ZNF543: variants seen among roughly 807,000 people sequenced by gnomAD.
ZNF543 encodes the protein zinc finger protein 543.
Under a neutral mutation model 13.4 loss-of-function variants are expected in ZNF543, and 10 were observed. That is an observed-to-expected ratio of 0.75 (90% CI 0.46 to 1.26). The LOEUF is 1.26. Among genes scored for constraint, ZNF543 ranks in the 50% most tolerant of loss-of-function variants. ZNF543 has a pLI of 0.00. For synonymous variants in ZNF543, 272 were observed against 264.7 expected, an observed-to-expected ratio of 1.03 and a Z score of -0.27; for missense variants, 768 against 741.2, an observed-to-expected ratio of 1.04 and a Z score of -0.42.
At chr19:57,321,187 A>G (rs1466390817) in intron 1 of ZNF543, among the ~76,000 whole-genome samples, 1 of 151,532 alleles carries the variant, frequency 6.6e-6, no homozygotes, top group Non-Finnish European at 1.5e-5. Context: ...TTGTCTCTCC[A>G]TTTTTCCCTT....
In ZNF543 at chr19:57,330,312, T is replaced by G. The variant is rs2088155588; in HGVS notation, c.*1047T>G. The G allele has an allele frequency of 6.6e-6, 1 of 151,928 alleles. No individual in the cohort carries two copies. Among genetic ancestry groups the G allele is most frequent in the South Asian group, 2.1e-4 (1 of 4,796 alleles). 9.4% of individuals were successfully genotyped at this position (151,928 alleles called of 1,614,324 possible). A position where few individuals can be genotyped will look rare whatever the true frequency, so the allele number is the denominator to read the frequency against. On this transcript the variant is annotated 3_prime_UTR_variant, in exon 4 of 4. Coordinates refer to ENST00000321545, the MANE Select transcript of ZNF543 (RefSeq NM_213598.4). ...TCCTGGGATAGGGATGATAGTGTAA[T>G]TGTTCATGCCCACAGTAATCCTGGG...
Position 57,329,452 on chromosome 19 carries a change from C to A in ZNF543, c.*187C>A. 1 of 618,886 alleles carries A rather than the reference C, an allele frequency of 1.6e-6. No homozygotes were observed. The highest frequency in any genetic ancestry group is 2.9e-5 in the East Asian group (1 of 34,424). The allele number at this position is 618,886 out of a possible 1,614,324, so 38.3% of individuals were successfully genotyped here. ...AGAGAGACCCAGTGGTTGCTATGCA[C>A]TTAGGAAAACTTTCAGCCACATCTT... On this transcript the variant is annotated 3_prime_UTR_variant, in exon 4 of 4. Coordinates refer to ENST00000321545, the MANE Select transcript of ZNF543 (RefSeq NM_213598.4).
chr19:57,329,024 A>C lies in ZNF543; in HGVS notation c.1562A>C (p.Asn521Thr), dbSNP rs1600055407. Residue 521 changes from asparagine to threonine, a missense_variant, in exon 4 of 4, where the codon AAC (asparagine) becomes ACC (threonine). Physicochemically the swap from Asn to Thr is moderately conservative, Grantham distance 65. Around this residue, in one of 3 missense-constraint regions of ZNF543, gnomAD observed 677 missense variants for 631.4 expected, o/e 1.07. Transcript: ENST00000321545. ...QCGKAFCRSA[N>T]LIRHSIIHTG... ...GGGAAAGCCTTTTGCCGGAGCGCAA[A>C]CCTTATTCGACACTCCATCATTCAC... The C allele has an allele frequency of 6.2e-7, 1 of 1,614,010 alleles. No individual in the cohort carries two copies. The highest frequency in any genetic ancestry group is 8.5e-7 in the Non-Finnish European group (1 of 1,180,002).
intron 1 of ZNF543, among the ~76,000 whole-genome samples, chr19:57,321,785 C>T (rs1228511898): frequency 2.0e-5 from 3 of 152,146 alleles, no homozygotes; most frequent in Non-Finnish European, 4.4e-5. Flanking sequence ...TTAGGGAGGC[C>T]TGGGGGTGAC....
In ZNF543 at chr19:57,328,876, A is replaced by G. The variant is rs1037663265; in HGVS notation, c.1414A>G (p.Ile472Val). 6 of 1,614,076 alleles carry G rather than the reference A, an allele frequency of 3.7e-6. No individual in the cohort carries two copies. Among genetic ancestry groups the G allele is most frequent in the East Asian group, 4.5e-5 (2 of 44,854 alleles). The part of the protein sequence containing the change: ...DRADLIRHFS[I>V]HTGEKPYECV... ...GGCAGACCTCATTCGCCACTTCAGC[A>G]TCCACACTGGAGAGAAACCCTATGA... is the stretch of plus-strand genomic sequence containing the variant. Residue 472 changes from isoleucine to valine, a missense_variant, in exon 4 of 4, where the codon ATC becomes GTC. By Grantham distance (29) the Ile-to-Val change is conservative. Transcript: ENST00000321545.
At position 57,320,841 on chromosome 19, in the gene ZNF543, G is replaced by C. The variant is rs200574542; in HGVS notation, c.-13G>C. On this transcript the variant is annotated 5_prime_UTR_variant, in exon 1 of 4. Coordinates refer to ENST00000321545, the MANE Select transcript of ZNF543 (RefSeq NM_213598.4). ...GGCATTCCCGGGCCCCGCTAGGGCT[G>C]CAGGGTCTCAGGATGGCAGCCTCGG... 5.6e-6 allele frequency: 9 copies of C among 1,613,702 alleles called. No individual in the cohort carries two copies. In the African/African-American group the frequency reaches 9.3e-5, roughly 17 times the overall value.
At position 57,328,206 on chromosome 19, in the gene ZNF543, C is replaced by G. The variant is rs762074273; in HGVS notation, c.744C>G (p.Ile248Met). The G allele has an allele frequency of 9.9e-6, 16 of 1,613,288 alleles. No homozygotes were observed. The South Asian group carries it at 1.5e-4, about 16-fold the overall frequency. The change falls in exon 4 of 4, where the codon ATC (isoleucine) becomes ATG (methionine). Residue 248 changes from isoleucine (I) to methionine (M), a missense_variant. Ile to Met is a conservative substitution (Grantham distance 10, BLOSUM62 1). Coordinates refer to ENST00000321545, the MANE Select transcript of ZNF543 (RefSeq NM_213598.4). ...CTCATCTTCTTCAGCACCTCATCAT[C>G]CACACTGGGGAGAAGCCCTATAAGT... is the stretch of plus-strand genomic sequence containing the variant. ...KSTHLLQHLIIHTGEKPYKCM... is the reference protein window; with the variant it reads ...KSTHLLQHLIMHTGEKPYKCM...
Position 57,328,930 on chromosome 19 carries a change from C to T in ZNF543, c.1468C>T (p.Arg490Cys), listed in dbSNP as rs371999397. The part of the protein sequence containing the change: ...ECVECGKAFN[R>C]SSHLTRHQQI... ...CGTGGAGTGTGGAAAGGCCTTCAAC[C>T]GCAGCTCACACCTCACGAGGCACCA... Residue 490 changes from arginine (R) to cysteine (C), a missense_variant, in exon 4 of 4, where the codon CGC becomes TGC. Arg to Cys is a radical substitution (Grantham distance 180). Around this residue, in one of 3 missense-constraint regions of ZNF543, gnomAD observed 677 missense variants for 631.4 expected, o/e 1.07. Coordinates refer to ENST00000321545, the MANE Select transcript of ZNF543 (RefSeq NM_213598.4). 51 of 1,613,940 alleles carry T rather than the reference C, an allele frequency of 3.2e-5. No homozygotes were observed. The highest frequency in any genetic ancestry group is 3.8e-5 in the Non-Finnish European group (45 of 1,180,004).
Position 57,329,052 on chromosome 19 carries a change from T to A in ZNF543, c.1590T>A (p.Thr530=), listed in dbSNP as rs2088145664. 1 of 1,614,074 alleles carries A rather than the reference T, an allele frequency of 6.2e-7. No individual in the cohort carries two copies. Among genetic ancestry groups the A allele is most frequent in the African/African-American group, 1.3e-5 (1 of 74,924 alleles). Residue 530 remains threonine, a synonymous_variant, in exon 4 of 4, where the codon ACT becomes ACA. Transcript: ENST00000321545. ...ANLIRHSIIH[T]GEKPYECSEC... Reference sequence around the variant, plus strand: ...TTATTCGACACTCCATCATTCACACTGGAGAGAAGCCGTATGAATGCAGTG... The same window carrying A: ...TTATTCGACACTCCATCATTCACACAGGAGAGAAGCCGTATGAATGCAGTG...
At chr19:57,325,115 G>C (rs1051016142) in intron 2 of ZNF543, among the ~76,000 whole-genome samples, 18 of 152,318 alleles carry the variant, frequency 1.2e-4, no homozygotes, top group African/African-American at 4.1e-4. Context: ...GAGACCCAAA[G>C]AGTGAGTTGA....
At chr19:57,322,750 C>CT (rs2088097498) in intron 1 of ZNF543, among the ~76,000 whole-genome samples, 1 of 152,066 alleles carries the variant, frequency 6.6e-6, no homozygotes, top group Non-Finnish European at 1.5e-5. Context: ...AGCTGTGGCC[C>CT]TTTGCCCCAG....
At chr19:57,327,620 C>G in intron 3 of ZNF543, 84 bp from the exon 4 acceptor site, 1 of 1,508,352 alleles carries the variant, frequency 6.6e-7, no homozygotes, top group Non-Finnish European at 8.8e-7. Context: ...GCTGGGATTA[C>G]AGGTATGAAT....
rs772533355 is a variant in ZNF543, at chr19:57,323,713, C to A, written c.50C>A (p.Thr17Lys). 6.2e-7 allele frequency: 1 copy of A among 1,613,656 alleles called. No homozygotes were observed. ...GTGACCTTTGAGGATGTGGCTGTGA[C>A]ATTCACCCAGGAGGAGTGGGGACAG... ...VSVTFEDVAV[T>K]FTQEEWGQLD... Residue 17 changes from threonine to lysine, a missense_variant, in exon 2 of 4, where the codon ACA becomes AAA. Coordinates refer to ENST00000321545, the MANE Select transcript of ZNF543 (RefSeq NM_213598.4).
At chr19:57,323,483 C>T (rs999668090) in intron 1 of ZNF543, 199 bp from the exon 2 acceptor site, 5 of 632,080 alleles carry the variant, frequency 7.9e-6, no homozygotes, top group South Asian at 2.8e-5. Context: ...TGAGCCACCG[C>T]GCCTGACCGA....
chr19:57,326,660 T>C lies in ZNF543; in HGVS notation c.173T>C (p.Ile58Thr). The change falls in exon 3 of 4, where the codon ATC (isoleucine) becomes ACC (threonine). Residue 58 changes from isoleucine (I) to threonine (T), a missense_variant. By Grantham distance (89) the Ile-to-Thr change is moderately conservative. Around this residue, in one of 3 missense-constraint regions of ZNF543, gnomAD observed 77 missense variants for 75.5 expected, o/e 1.02. Transcript: ENST00000321545. ...LGCPLFKPEL[I>T]YQLDHRQELW... ...TGTCCTTTGTTCAAACCAGAGCTGA[T>C]CTACCAGTTGGATCACAGACAGGAG... The C allele has an allele frequency of 6.2e-7, 1 of 1,614,112 alleles. No individual in the cohort carries two copies. Among genetic ancestry groups the C allele is most frequent in the African/African-American group, 1.3e-5 (1 of 75,062 alleles).
rs11355141 is a variant in ZNF543 at position 57,329,514 on chromosome 19, AT to A, written c.*265del. 0.3 allele frequency: 82,527 copies of A among 274,182 alleles called. 4,627 individuals are homozygous for A. The highest frequency in any genetic ancestry group is 0.33 in the South Asian group (4,821 of 14,578). The allele number at this position is 274,182 out of a possible 1,614,324, so 17.0% of individuals were successfully genotyped here. A position where few individuals can be genotyped will look rare whatever the true frequency, so the allele number is the denominator to read the frequency against. On this transcript the variant is annotated 3_prime_UTR_variant, in exon 4 of 4. Coordinates refer to ENST00000321545, the MANE Select transcript of ZNF543 (RefSeq NM_213598.4). ...TACAGTGAAATATTATCTCAGGGAT[AT>A]TTTTTTTTTTTTTTTGAGACGGAGT...
intron 1 of ZNF543, among the ~76,000 whole-genome samples, chr19:57,322,343 G>C (rs2088095008): frequency 1.3e-5 from 2 of 152,090 alleles, no homozygotes; most frequent in East Asian, 3.9e-4. Flanking sequence ...TGACTATGCT[G>C]CTCTGCCCAG....
At chr19:57,327,236 C>T (rs1434246503) in intron 3 of ZNF543, among the ~76,000 whole-genome samples, 1 of 151,666 alleles carries the variant, frequency 6.6e-6, no homozygotes, top group Non-Finnish European at 1.5e-5. Flanking sequence ...TTATGGCTAA[C>T]ATGTATTTAT....
In ZNF543 at chr19:57,328,360, T is replaced by G; in HGVS notation, c.898T>G (p.Leu300Val). 6.2e-7 allele frequency: 1 copy of G among 1,613,696 alleles called. No homozygotes were observed. The highest frequency in any genetic ancestry group is 8.5e-7 in the Non-Finnish European group (1 of 1,179,948). ...CTTCACCCACCGCTCCACTTTTGTCTTGCATCACAGGAGCCACACTGGAGA... is the reference window on the plus strand; with the variant it reads ...CTTCACCCACCGCTCCACTTTTGTCGTGCATCACAGGAGCCACACTGGAGA... Reference protein sequence around the residue: ...KAFTHRSTFVLHHRSHTGEKP... With the variant: ...KAFTHRSTFVVHHRSHTGEKP... Residue 300 changes from leucine to valine, a missense_variant, in exon 4 of 4, where the codon TTG (leucine) becomes GTG (valine). Transcript: ENST00000321545.
Sources: allele counts gnomAD v4.1 joint callset (sites outside exome capture counted in the v4.1 genomes callset), GRCh38; gene constraint gnomAD v4.1.1; regional missense constraint gnomAD v4.1.1; transcripts MANE v1.5; gene names NCBI Gene and HGNC (gene_info 2026-07-23, HGNC 2026-07-21).